RBPMS2: variants seen among roughly 807,000 people sequenced by gnomAD.
The protein encoded by RBPMS2 is RNA-binding protein with multiple splicing 2.
In RBPMS2, 14 loss-of-function variants were observed where a neutral mutation model predicts 25.7. That is an observed-to-expected ratio of 0.55 (90% CI 0.36 to 0.85). RBPMS2 has a LOEUF of 0.85. Among genes scored for constraint, RBPMS2 ranks in the 40% least tolerant of loss-of-function variants. RBPMS2 has a pLI of 0.01. For missense variants in RBPMS2, 252 were observed against 283.4 expected (o/e 0.89, Z 0.80); for synonymous variants, 127 against 115.6 (o/e 1.10, Z -0.63).
chr15:64,757,242 G>A (rs1356128837), intron 1 of RBPMS2, among the ~76,000 whole-genome samples: 1 of 151,994 alleles, frequency 6.6e-6, no homozygotes, highest in African/African-American at 2.4e-5. Flanking sequence ...CAAAGTGGTG[G>A]AATTACAGGT....
rs779342213 is a variant in RBPMS2, at chr15:64,750,317, G to A, written c.204+26C>T. The A allele has an allele frequency of 2.5e-6, 4 of 1,607,966 alleles. No individual in the cohort carries two copies. The East Asian group carries it at 6.7e-5, about 27-fold the overall frequency. Reference sequence around the variant, plus strand: ...CTCAGCAGCCGGTCTGGGCTGGGAGGAAGAAAACCCTAGGAGAGAAATTAC... The same window carrying A: ...CTCAGCAGCCGGTCTGGGCTGGGAGAAAGAAAACCCTAGGAGAGAAATTAC... On this transcript the variant is annotated intron_variant, in intron 3 of 7. Coordinates refer to ENST00000300069, the MANE Select transcript of RBPMS2 (RefSeq NM_194272.3).
intron 6 of RBPMS2, among the ~76,000 whole-genome samples, chr15:64,746,247 A>C (rs951714867): frequency 3.3e-5 from 5 of 152,158 alleles, no homozygotes; most frequent in Non-Finnish European, 7.4e-5. Context: ...CAAAAACGCC[A>C]CTATCCTTTG....
intron 3 of RBPMS2, among the ~76,000 whole-genome samples, 159 bp downstream of exon 3, chr15:64,750,184 G>C (rs2083662173): frequency 6.6e-6 from 1 of 152,204 alleles, no homozygotes; most frequent in Admixed American, 6.5e-5. Context: ...TGAAGAGACA[G>C]TGGGACCTAC....
At chr15:64,763,376 C>G (rs1595793493) in intron 1 of RBPMS2, among the ~76,000 whole-genome samples, 1 of 152,144 alleles carries the variant, frequency 6.6e-6, no homozygotes, top group African/African-American at 2.4e-5. Context: ...CAGGCAAGGA[C>G]GATGCCCAGA....
chr15:64,772,056 T>C (rs1363660296), intron 1 of RBPMS2, among the ~76,000 whole-genome samples: 1 of 152,234 alleles, frequency 6.6e-6, no homozygotes, highest in Non-Finnish European at 1.5e-5. Context: ...GCTATGTAAA[T>C]AGTTGTTATA....
intron 1 of RBPMS2, among the ~76,000 whole-genome samples, chr15:64,773,359 C>T (rs940363519): frequency 2.6e-5 from 4 of 152,232 alleles, no homozygotes; most frequent in Non-Finnish European, 4.4e-5. Context: ...CAGACAGACA[C>T]TGGGCTCCAG....
chr15:64,748,457 G>A lies in RBPMS2; in HGVS notation c.529C>T (p.Pro177Ser). Residue 177 changes from proline to serine, a missense_variant, in exon 6 of 8, where the codon CCA becomes TCA. Pro to Ser is a moderately conservative substitution (Grantham distance 74). Coordinates refer to ENST00000300069, the MANE Select transcript of RBPMS2 (RefSeq NM_194272.3). ...GCGGCGGCAGCGGCAGTGGCAGTTG[G>A]GTAGGTGAACGCAGCATGGGAGATG... is the stretch of plus-strand genomic sequence containing the variant. ...PAISHAAFTYPTATAAAAALH... is the reference protein window; with the variant it reads ...PAISHAAFTYSTATAAAAALH... 6.2e-7 allele frequency: 1 copy of A among 1,614,112 alleles called. No homozygotes were observed. The highest frequency in any genetic ancestry group is 8.5e-7 in the Non-Finnish European group (1 of 1,180,014).
At chr15:64,741,523 T>C (rs958928862) in intron 6 of RBPMS2, among the ~76,000 whole-genome samples, 3 of 152,154 alleles carry the variant, frequency 2.0e-5, no homozygotes, top group African/African-American at 7.2e-5. Context: ...GCCACTATAC[T>C]GGTGGGAGCC....
chr15:64,742,345 C>T (rs2083570651), intron 6 of RBPMS2, among the ~76,000 whole-genome samples: 1 of 152,214 alleles, frequency 6.6e-6, no homozygotes, highest in Non-Finnish European at 1.5e-5. Context: ...GCCTCTAAGT[C>T]CAGAGGTCTA....
chr15:64,757,136 C>T (rs1023805250), intron 1 of RBPMS2, among the ~76,000 whole-genome samples: 17 of 151,980 alleles, frequency 1.1e-4, no homozygotes, highest in Admixed American at 3.3e-4. Context: ...CAATGCCTGG[C>T]TAGCTTTTCC....
At chr15:64,744,477 G>C (rs1206299547) in intron 6 of RBPMS2, among the ~76,000 whole-genome samples, 1 of 150,226 alleles carries the variant, frequency 6.7e-6, no homozygotes, top group Non-Finnish European at 1.5e-5. Context: ...AGAATCACTT[G>C]AACCTGGGAG....
chr15:64,768,651 A>G (rs1437310316), intron 1 of RBPMS2, among the ~76,000 whole-genome samples: 3 of 151,040 alleles, frequency 2.0e-5, no homozygotes, highest in Non-Finnish European at 4.4e-5. Context: ...GAAAAAAAAA[A>G]AAATTAGCTG....
At chr15:64,743,640 AG>A (rs11318612) in intron 6 of RBPMS2, among the ~76,000 whole-genome samples, 3,272 of 22,270 alleles carry the variant, frequency 0.15, 119 homozygotes, top group African/African-American at 0.21. Context: ...AGTTGTGCCC[AG>A]GGGGGGGGGG....
intron 1 of RBPMS2, among the ~76,000 whole-genome samples, chr15:64,770,213 C>G (rs1258102426): frequency 6.6e-6 from 1 of 152,036 alleles, no homozygotes; most frequent in East Asian, 1.9e-4. Flanking sequence ...TTGCAGATAC[C>G]TTTCTCCCCC....
At chr15:64,774,736 G>GGCCGGCCGGCCGGCCGGCCT (rs1293687879) in intron 1 of RBPMS2, among the ~76,000 whole-genome samples, 7 of 150,970 alleles carry the variant, frequency 4.6e-5, no homozygotes, top group Non-Finnish European at 7.4e-5. Flanking sequence ...CCGAGGAGCC[G>GGCCGGCCGGCCGGCCGGCCT]GCCGGCCCAG....
intron 1 of RBPMS2, among the ~76,000 whole-genome samples, chr15:64,771,722 G>A (rs1409078555): frequency 6.6e-6 from 1 of 151,952 alleles, no homozygotes; most frequent in Non-Finnish European, 1.5e-5. Flanking sequence ...CACTTTGGGA[G>A]ACTGAGGTGG....
chr15:64,749,188 G>A lies in RBPMS2; in HGVS notation c.268-38C>T, dbSNP rs372744693. The A allele has an allele frequency of 1.5e-5, 24 of 1,610,954 alleles. 1 individual carries two copies. Among genetic ancestry groups the A allele is most frequent in the South Asian group, 8.8e-5 (8 of 90,960 alleles). On this transcript the variant is annotated intron_variant, in intron 4 of 7. Transcript: ENST00000300069. The stretch of plus-strand genomic sequence containing the variant: ...AGAAAAGAAGAGAAAGGCTTACTCC[G>A]GGGGACCCAGAGTGTTAATGGCAGA...
chr15:64,749,466 G>A lies in RBPMS2; in HGVS notation c.232C>T (p.Arg78Cys). 1.2e-6 allele frequency: 2 copies of A among 1,613,264 alleles called. No homozygotes were observed. Among genetic ancestry groups the A allele is most frequent in the South Asian group, 1.1e-5 (1 of 91,020 alleles). ...TTCTTGGCCGCTTCTGCTCCTGCAC[G>A]GCTGTCAAAGATCACAAAACCAACA... ...QPVGFVIFDS[R>C]AGAEAAKNAL... The change falls in exon 4 of 8, where the codon CGT becomes TGT. Residue 78 changes from arginine (R) to cysteine (C), a missense_variant. Arg to Cys is a radical substitution (Grantham distance 180, BLOSUM62 -3). Coordinates refer to ENST00000300069, the MANE Select transcript of RBPMS2 (RefSeq NM_194272.3).
rs531283834 is a variant in RBPMS2, at chr15:64,772,740, G to A, written c.87+2493C>T. 4.6e-5 allele frequency among the ~76,000 whole-genome samples: 7 copies of A among 152,152 alleles called. No homozygotes were observed. In the East Asian group the frequency reaches 1.4e-3, roughly 29 times the overall value. ...GGGAAGGCTGACCTCTAATCTCTCA[G>A]GAGCACCATGGTACCATGTGCTCAT... On this transcript the variant is annotated intron_variant, in intron 1 of 7. Coordinates refer to ENST00000300069, the MANE Select transcript of RBPMS2 (RefSeq NM_194272.3).
Sources: allele counts gnomAD v4.1 joint callset (sites outside exome capture counted in the v4.1 genomes callset), GRCh38; gene constraint gnomAD v4.1.1; transcripts MANE v1.5; gene names NCBI Gene and HGNC (gene_info 2026-07-23, HGNC 2026-07-21).